Variants in NXPH1 observed in about 807,000 individuals in gnomAD.
NXPH1 encodes neurexophilin 1.
Under a neutral mutation model 23.7 loss-of-function variants are expected in NXPH1, and 5 were observed. The observed-to-expected ratio is 0.21, with a 90% CI of 0.11 to 0.44. NXPH1 has a LOEUF of 0.44. Among genes scored for constraint, NXPH1 ranks in the 20% least tolerant of loss-of-function variants. NXPH1 has a pLI of 0.99. For missense variants in NXPH1, 324 were observed against 321.6 expected (o/e 1.01, Z -0.06); for synonymous variants, 144 against 122.2 (o/e 1.18, Z -1.18).
intron 2 of NXPH1, among the ~76,000 whole-genome samples, chr7:8,468,270 A>G (rs2128607896): frequency 6.6e-6 from 1 of 152,242 alleles, no homozygotes; most frequent in Non-Finnish European, 1.5e-5. Context: ...CCAAGTAAGA[A>G]TGATCTTTCC....
At chr7:8,497,491 C>G (rs1266188872) in intron 2 of NXPH1, among the ~76,000 whole-genome samples, 2 of 152,166 alleles carry the variant, frequency 1.3e-5, no homozygotes, top group Middle Eastern at 3.4e-3. Context: ...GTGTAAAAGT[C>G]TTCCTATTTC....
intron 2 of NXPH1, among the ~76,000 whole-genome samples, chr7:8,605,254 T>C (rs1023359479): frequency 1.3e-5 from 2 of 152,130 alleles, no homozygotes; most frequent in East Asian, 1.9e-4. Flanking sequence ...AGTTGGGGAA[T>C]GGCAAAGGCT....
chr7:8,580,850 A>G (rs976448552), intron 2 of NXPH1, among the ~76,000 whole-genome samples: 71 of 152,152 alleles, frequency 4.7e-4, no homozygotes, highest in Non-Finnish European at 8.2e-4. Flanking sequence ...TCCTTCTATC[A>G]GTGAAATATT....
At chr7:8,632,075 A>G (rs1344174858) in intron 2 of NXPH1, among the ~76,000 whole-genome samples, 2 of 152,132 alleles carry the variant, frequency 1.3e-5, no homozygotes, top group East Asian at 3.9e-4. Context: ...CAGCTTTGAG[A>G]CCTTATGTCT....
intron 2 of NXPH1, among the ~76,000 whole-genome samples, chr7:8,554,994 C>T (rs974282645): frequency 2.0e-5 from 3 of 151,660 alleles, no homozygotes; most frequent in Non-Finnish European, 4.4e-5. Flanking sequence ...ACATAGATGT[C>T]ATCTTCTGCC....
At chr7:8,484,538 GAATGA>G (rs1817127219) in intron 2 of NXPH1, among the ~76,000 whole-genome samples, 1 of 152,128 alleles carries the variant, frequency 6.6e-6, no homozygotes, top group Non-Finnish European at 1.5e-5. Context: ...TTACATTAAT[GAATGA>G]AATAAGATTA....
chr7:8,561,593 C>G (rs942554838), intron 2 of NXPH1, among the ~76,000 whole-genome samples: 27 of 151,536 alleles, frequency 1.8e-4, no homozygotes, highest in Admixed American at 1.8e-3. Flanking sequence ...GTATAGGGAG[C>G]CTGTTGGCAG....
chr7:8,561,351 GACACAC>G (rs61219039), intron 2 of NXPH1, among the ~76,000 whole-genome samples: 17 of 140,966 alleles, frequency 1.2e-4, no homozygotes, highest in African/African-American at 4.0e-4. Flanking sequence ...AAGCCTATGT[GACACAC>G]ACACACACAC....
intron 2 of NXPH1, among the ~76,000 whole-genome samples, chr7:8,616,204 G>A (rs1001836575): frequency 5.9e-5 from 9 of 151,800 alleles, no homozygotes; most frequent in Non-Finnish European, 1.0e-4. Context: ...CAACCACACT[G>A]GCCTCCTTGC....
At chr7:8,652,555 C>G (rs1372517933) in intron 2 of NXPH1, among the ~76,000 whole-genome samples, 2 of 152,126 alleles carry the variant, frequency 1.3e-5, no homozygotes, top group African/African-American at 4.8e-5. Context: ...TTTCTAAGAA[C>G]ATTATTACAC....
chr7:8,737,163 T>C (rs916600795), intron 2 of NXPH1, among the ~76,000 whole-genome samples: 1 of 152,194 alleles, frequency 6.6e-6, no homozygotes, highest in Non-Finnish European at 1.5e-5. Context: ...GTGAATTTGA[T>C]CATGTCAGTA....
At chr7:8,635,410 G>A (rs1820203385) in intron 2 of NXPH1, among the ~76,000 whole-genome samples, 1 of 152,078 alleles carries the variant, frequency 6.6e-6, no homozygotes, top group Admixed American at 6.6e-5. Context: ...TCTCTTTTTA[G>A]TGGTATAAAT....
intron 2 of NXPH1, among the ~76,000 whole-genome samples, chr7:8,512,840 C>T (rs1276198978): frequency 6.6e-6 from 1 of 152,078 alleles, no homozygotes; most frequent in Non-Finnish European, 1.5e-5. Flanking sequence ...GCATGGCAGC[C>T]AGACTTCTTA....
chr7:8,637,599 T>A (rs1038057205), intron 2 of NXPH1, among the ~76,000 whole-genome samples: 2 of 152,152 alleles, frequency 1.3e-5, no homozygotes, highest in African/African-American at 4.8e-5. Flanking sequence ...TTACATGATC[T>A]AATTGGCCAC....
At chr7:8,550,827 C>T (rs1001547736) in intron 2 of NXPH1, among the ~76,000 whole-genome samples, 1 of 151,362 alleles carries the variant, frequency 6.6e-6, no homozygotes, top group Non-Finnish European at 1.5e-5. Context: ...ATTTGAAATA[C>T]CATTTAATGG....
chr7:8,560,941 C>T (rs1054817608), intron 2 of NXPH1, among the ~76,000 whole-genome samples: 2 of 151,664 alleles, frequency 1.3e-5, no homozygotes, highest in Non-Finnish European at 3.0e-5. Flanking sequence ...GGCTGAGCTT[C>T]ACCATGCTAA....
intron 2 of NXPH1, among the ~76,000 whole-genome samples, chr7:8,590,871 C>T (rs1055121570): frequency 1.3e-5 from 2 of 152,006 alleles, no homozygotes; most frequent in African/African-American, 4.8e-5. Flanking sequence ...AGCTCATTTT[C>T]TCACTCGTTG....
At chr7:8,677,776 T>C (rs950902144) in intron 2 of NXPH1, among the ~76,000 whole-genome samples, 5 of 152,154 alleles carry the variant, frequency 3.3e-5, no homozygotes, top group Non-Finnish European at 7.3e-5. Flanking sequence ...ATGATTTTTA[T>C]TGATAATAAA....
chr7:8,607,573 G>A (rs932139530), intron 2 of NXPH1, among the ~76,000 whole-genome samples: 1 of 152,104 alleles, frequency 6.6e-6, no homozygotes, highest in Admixed American at 6.6e-5. Flanking sequence ...GTTAACTCTG[G>A]CAAATAACTT....
Sources: gnomAD v4.1 joint callset for allele counts (sites outside exome capture counted in the v4.1 genomes callset) on GRCh38, gnomAD v4.1.1 for gene constraint, MANE v1.5 for transcripts, NCBI Gene and HGNC (gene_info 2026-07-23, HGNC 2026-07-21) for gene names.